PAXBP1: variants seen among roughly 807,000 people sequenced by gnomAD.
The protein encoded by PAXBP1 is PAX3- and PAX7-binding protein 1.
In PAXBP1, 44 loss-of-function variants were observed where a neutral mutation model predicts 119.9. The observed-to-expected ratio is 0.37, with a 90% CI of 0.29 to 0.47. PAXBP1 has a LOEUF of 0.47. Among genes scored for constraint, PAXBP1 ranks in the 20% least tolerant of loss-of-function variants. The pLI is 0.99. For synonymous variants in PAXBP1, 393 were observed against 406.6 expected, an observed-to-expected ratio of 0.97 and a Z score of 0.40; for missense variants, 898 against 1,134.1, an observed-to-expected ratio of 0.79 and a Z score of 2.99.
At chr21:32,757,828 G>A (rs2146504496) in intron 7 of PAXBP1, among the ~76,000 whole-genome samples, 1 of 152,268 alleles carries the variant, frequency 6.6e-6, no homozygotes, top group South Asian at 2.1e-4. Context: ...TTTGCCAGTA[G>A]GAAGGACATG....
intron 11 of PAXBP1, 147 bp downstream of exon 11, chr21:32,748,352 T>C (rs1005586986): frequency 1.7e-5 from 11 of 629,980 alleles, no homozygotes; most frequent in Non-Finnish European, 2.6e-5. Flanking sequence ...GATCATAAGA[T>C]TATAACCAGA....
chr21:32,767,554 G>A (rs920936127), intron 2 of PAXBP1, among the ~76,000 whole-genome samples: 1 of 152,204 alleles, frequency 6.6e-6, no homozygotes, highest in Non-Finnish European at 1.5e-5. Flanking sequence ...ATTCCTACGT[G>A]TTGTGGAAGG....
rs56179112 is a variant in PAXBP1 at position 32,746,878 on chromosome 21, A to G, written c.1924-1160T>C. ...AGACTGGATAAAGAAAATGTTATAC[A>G]TATACACCATGGAATACTATGCAGC... On this transcript the variant is annotated intron_variant, in intron 11 of 17. Transcript: ENST00000331923. 1.4e-3 allele frequency among the ~76,000 whole-genome samples: 218 copies of G among 152,352 alleles called. 1 individual carries two copies. Among genetic ancestry groups the G allele is most frequent in the Non-Finnish European group, 2.7e-3 (181 of 68,034 alleles).
chr21:32,760,750 A>G (rs977304493), intron 5 of PAXBP1, among the ~76,000 whole-genome samples: 2 of 152,144 alleles, frequency 1.3e-5, no homozygotes, highest in South Asian at 2.1e-4. Context: ...TGCGTTTCTA[A>G]TGAGCTACCG....
In PAXBP1 at chr21:32,744,783, C is replaced by G; in HGVS notation, c.2190+9G>C. The G allele has an allele frequency of 6.5e-7, 1 of 1,544,232 alleles. No individual in the cohort carries two copies. The highest frequency in any genetic ancestry group is 8.7e-7 in the Non-Finnish European group (1 of 1,146,892). On this transcript the variant is annotated intron_variant, in intron 13 of 17. Transcript: ENST00000331923. ...AAAAAAAAAAAGGCTTCAAAAGATA[C>G]TAAATTACCTGTGTATTTTTATTTT...
At chr21:32,745,820 A>C (rs2043863450) in intron 11 of PAXBP1, 102 bp from the exon 12 acceptor site, 1 of 1,399,802 alleles carries the variant, frequency 7.1e-7, no homozygotes, top group Admixed American at 2.0e-5. Context: ...TTTGGTTGCA[A>C]ACAACTAAAA....
chr21:32,751,359 T>G, intron 8 of PAXBP1, 141 bp from the exon 9 acceptor site: 1 of 674,954 alleles, frequency 1.5e-6, no homozygotes. Context: ...CCAGGTAGGT[T>G]TTTGGTTTAG....
intron 8 of PAXBP1, among the ~76,000 whole-genome samples, chr21:32,752,489 A>G (rs1412430191): frequency 6.6e-6 from 1 of 152,226 alleles, no homozygotes; most frequent in East Asian, 1.9e-4. Context: ...GATGAAAGAC[A>G]TCCAAGTTAA....
intron 10 of PAXBP1, among the ~76,000 whole-genome samples, chr21:32,749,053 ACAGAT>A (rs1269098010): frequency 6.6e-6 from 1 of 152,212 alleles, no homozygotes; most frequent in African/African-American, 2.4e-5. Context: ...AGATCACTGC[ACAGAT>A]TAACAGCTGT....
rs1402480640 is a variant in PAXBP1 at position 32,771,576 on chromosome 21, C to T, written c.93G>A (p.Pro31=). The T allele has an allele frequency of 2.1e-6, 3 of 1,437,936 alleles. No individual in the cohort carries two copies. Among genetic ancestry groups the T allele is most frequent in the Non-Finnish European group, 2.7e-6 (3 of 1,099,612 alleles). The allele number at this position is 1,437,936 out of a possible 1,614,324, so 89.1% of individuals were successfully genotyped here. ...RERDEEQEPP[P]LLPPPGTGEE... ...CGCCCGTGCCCGGCGGCGGCAACAA[C>T]GGCGGCGGCTCCTGCTCCTCATCGC... The change falls in exon 1 of 18, where the codon CCG becomes CCA. Residue 31 remains proline, a synonymous_variant. Coordinates refer to ENST00000331923, the MANE Select transcript of PAXBP1 (RefSeq NM_016631.4).
chr21:32,766,781 C>T (rs762610255), intron 2 of PAXBP1, among the ~76,000 whole-genome samples: 3 of 152,326 alleles, frequency 2.0e-5, no homozygotes, highest in African/African-American at 7.2e-5. Context: ...TCTGAGGGCA[C>T]TGGGTCTGGC....
chr21:32,736,078 A>G (rs1241302398), intron 17 of PAXBP1, among the ~76,000 whole-genome samples: 1 of 152,274 alleles, frequency 6.6e-6, no homozygotes, highest in African/African-American at 2.4e-5. Context: ...AAATTTATCT[A>G]GTAGAAAACA....
At chr21:32,765,424 A>C (rs148195547) in intron 2 of PAXBP1, among the ~76,000 whole-genome samples, 2 of 152,322 alleles carry the variant, frequency 1.3e-5, no homozygotes, top group Admixed American at 6.5e-5. Flanking sequence ...CCTCTGTCCC[A>C]GGCAAAAATC....
intron 15 of PAXBP1, chr21:32,742,440 T>G (rs1344772347): frequency 6.6e-6 from 1 of 152,314 alleles, no homozygotes; most frequent in Non-Finnish European, 1.5e-5. Flanking sequence ...TAACTTCTAT[T>G]TTTTCTCCAG....
chr21:32,737,653 G>C (rs2043712025), intron 16 of PAXBP1, among the ~76,000 whole-genome samples: 1 of 152,166 alleles, frequency 6.6e-6, no homozygotes, highest in Admixed American at 6.5e-5. Context: ...TCCAATATTT[G>C]AGTAAATTAG....
At chr21:32,769,600 G>A (rs1398727860) in intron 2 of PAXBP1, among the ~76,000 whole-genome samples, 2 of 152,200 alleles carry the variant, frequency 1.3e-5, no homozygotes, top group Non-Finnish European at 2.9e-5. Flanking sequence ...CATTGCAGCA[G>A]AAATGTTCCA....
intron 13 of PAXBP1, 96 bp from the exon 14 acceptor site, chr21:32,743,850 G>A: frequency 1.5e-6 from 1 of 683,294 alleles, no homozygotes; most frequent in Non-Finnish European, 2.5e-6. Flanking sequence ...TGAACTGAGT[G>A]AACTAGTTTC....
At chr21:32,771,208 C>A in intron 1 of PAXBP1, 118 bp downstream of exon 1, 1 of 968,018 alleles carries the variant, frequency 1.0e-6, no homozygotes, top group Non-Finnish European at 1.4e-6. Context: ...GCCGGTCGGA[C>A]GGCAGGGGAC....
At position 32,764,472 on chromosome 21, in the gene PAXBP1, A is replaced by G. The variant is rs933834281; in HGVS notation, c.525T>C (p.Asp175=). 3.1e-5 allele frequency: 50 copies of G among 1,613,616 alleles called. No homozygotes were observed. Among genetic ancestry groups the G allele is most frequent in the Non-Finnish European group, 4.2e-5 (50 of 1,179,828 alleles). The part of the protein sequence containing the change: ...TGHVKDTNQE[D]GVIISEHGED... The stretch of plus-strand genomic sequence containing the variant: ...CACCATGTTCACTGATGATAACTCC[A>G]TCTTCTTGATTTGTATCCTTAACAT... The change falls in exon 3 of 18, where the codon GAT becomes GAC. Residue 175 remains aspartate (D), a synonymous_variant. Coordinates refer to ENST00000331923, the MANE Select transcript of PAXBP1 (RefSeq NM_016631.4).
Sources: gnomAD v4.1 joint callset for allele counts (sites outside exome capture counted in the v4.1 genomes callset) on GRCh38, gnomAD v4.1.1 for gene constraint, MANE v1.5 for transcripts, NCBI Gene and HGNC (gene_info 2026-07-23, HGNC 2026-07-21) for gene names.